The following IFT122 variants were observed in gnomAD, a reference collection of about 807,000 sequenced individuals.
IFT122 encodes the protein intraflagellar transport protein 122 homolog.
In IFT122, 118 loss-of-function variants were observed where a neutral mutation model predicts 161.6. The ratio of observed to expected loss-of-function variants is 0.73; its 90% CI spans 0.63 to 0.85. The LOEUF (loss-of-function observed/expected upper bound fraction) is 0.85, where lower values mean the gene tolerates loss of function less well. Ranked by LOEUF, IFT122 falls within the 40% of genes least tolerant of loss-of-function variation. The pLI is 0.00. For missense variants in IFT122, 1,381 were observed against 1,579.6 expected (o/e 0.87, Z 2.13); for synonymous variants, 550 against 602.4 (o/e 0.91, Z 1.27).
intron 8 of IFT122, among the ~76,000 whole-genome samples, chr3:129,468,799 T>C (rs2077066763): frequency 6.6e-6 from 1 of 152,234 alleles, no homozygotes; most frequent in African/African-American, 2.4e-5. Flanking sequence ...AGCCCATTGC[T>C]CTTTTTTGAA....
At chr3:129,467,701 T>C (rs1279482541) in intron 8 of IFT122, among the ~76,000 whole-genome samples, 2 of 152,224 alleles carry the variant, frequency 1.3e-5, no homozygotes. Context: ...AGGGAAAACA[T>C]GGGCAGGCCA....
At chr3:129,474,732 G>A (rs1216035546) in intron 9 of IFT122, among the ~76,000 whole-genome samples, 1 of 152,154 alleles carries the variant, frequency 6.6e-6, no homozygotes, top group African/African-American at 2.4e-5. Context: ...GGCTGAGCTC[G>A]GGAGTTTGAC....
chr3:129,445,856 C>G (rs574125081), intron 1 of IFT122, among the ~76,000 whole-genome samples: 1 of 152,290 alleles, frequency 6.6e-6, no homozygotes, highest in South Asian at 2.1e-4. Flanking sequence ...AATAAGAGTT[C>G]GAAGTACTGT....
rs921910719 is a variant in IFT122, at chr3:129,520,465, G to A, written c.*200G>A. On this transcript the variant is annotated 3_prime_UTR_variant, in exon 30 of 30. Transcript: ENST00000348417. ...AAATAGCACCAGGAGATGAGGAAGA[G>A]AATGTACATATATTTTCTAAGGAAA... The A allele has an allele frequency of 1.6e-6, 1 of 634,834 alleles. No individual in the cohort carries two copies. The highest frequency in any genetic ancestry group is 2.7e-5 in the East Asian group (1 of 36,552). 39.3% of individuals were successfully genotyped at this position (634,834 alleles called of 1,614,324 possible). A position where few individuals can be genotyped will look rare whatever the true frequency, so the allele number is the denominator to read the frequency against.
chr3:129,472,009 A>G (rs1346010983), intron 9 of IFT122, among the ~76,000 whole-genome samples: 1 of 151,824 alleles, frequency 6.6e-6, no homozygotes, highest in Non-Finnish European at 1.5e-5. Flanking sequence ...GAGAGGCTCA[A>G]TAATTTGCCC....
intron 3 of IFT122, among the ~76,000 whole-genome samples, chr3:129,455,671 T>G (rs2107984442): frequency 6.6e-6 from 1 of 152,290 alleles, no homozygotes; most frequent in African/African-American, 2.4e-5. Context: ...ATGTAATTTC[T>G]GAACCCCCCA....
chr3:129,444,773 G>A (rs1215851578), intron 1 of IFT122, among the ~76,000 whole-genome samples: 1 of 152,090 alleles, frequency 6.6e-6, no homozygotes, highest in Non-Finnish European at 1.5e-5. Context: ...GCCTGCCTCG[G>A]CCTCCCAAAA....
chr3:129,512,394 C>T lies in IFT122; in HGVS notation c.2969C>T (p.Pro990Leu). 6.2e-7 allele frequency: 1 copy of T among 1,611,178 alleles called. No homozygotes were observed. The highest frequency in any genetic ancestry group is 8.5e-7 in the Non-Finnish European group (1 of 1,177,312). ...FLLHSLPKDT[P>L]SGISKVKILF... ...CTGCACAGCCTGCCCAAGGACACCC[C>T]CTCGGGCATCTCTAAAGTGTATCCT... Residue 990 changes from proline to leucine, a missense_variant, in exon 24 of 30, where the codon CCC becomes CTC. Transcript: ENST00000348417.
chr3:129,502,844 C>T lies in IFT122; in HGVS notation c.2509C>T (p.Leu837=). The T allele has an allele frequency of 6.2e-7, 1 of 1,612,554 alleles. No homozygotes were observed. Among genetic ancestry groups the T allele is most frequent in the Non-Finnish European group, 8.5e-7 (1 of 1,180,028 alleles). Residue 837 remains leucine, a synonymous_variant, in exon 20 of 30, where the codon CTG becomes TTG. Transcript: ENST00000348417. ...TYLKMGDLKS[L]VQLHVETQRW... is the part of the protein sequence containing the mutation. The stretch of plus-strand genomic sequence containing the variant: ...CCTGAAGATGGGTGACCTCAAGTCC[C>T]TGGTGCAGCTGCACGTGGAGACCCA...
chr3:129,503,692 C>A (rs575703219), intron 20 of IFT122, among the ~76,000 whole-genome samples: 2 of 152,272 alleles, frequency 1.3e-5, no homozygotes, highest in African/African-American at 4.8e-5. Context: ...TGAGGTCAGT[C>A]ATGAGAAAAG....
At chr3:129,508,518 T>G (rs1418114912) in intron 23 of IFT122, among the ~76,000 whole-genome samples, 1 of 152,178 alleles carries the variant, frequency 6.6e-6, no homozygotes, top group Admixed American at 6.5e-5. Context: ...CAGAGGTTAT[T>G]AGGTTGGTGC....
At chr3:129,504,283 C>A (rs1260982602) in intron 20 of IFT122, 36 bp from the exon 21 acceptor site, 3 of 1,526,396 alleles carry the variant, frequency 2.0e-6, no homozygotes, top group Non-Finnish European at 2.7e-6. Flanking sequence ...GCTGCAGGGG[C>A]AGCTTTATTA....
intron 8 of IFT122, among the ~76,000 whole-genome samples, chr3:129,469,043 T>G (rs1294377063): frequency 6.6e-6 from 1 of 152,216 alleles, no homozygotes; most frequent in Non-Finnish European, 1.5e-5. Context: ...TGCTCCCCAG[T>G]AAGCTCTGAA....
At chr3:129,441,115 A>G (rs1335454572) in intron 1 of IFT122, among the ~76,000 whole-genome samples, 2 of 152,248 alleles carry the variant, frequency 1.3e-5, no homozygotes, top group African/African-American at 4.8e-5. Flanking sequence ...TTCCATTGTT[A>G]TCGCCTAAAT....
At chr3:129,452,968 GA>G (rs1464964443) in intron 3 of IFT122, among the ~76,000 whole-genome samples, 10 of 152,144 alleles carry the variant, frequency 6.6e-5, no homozygotes, top group Admixed American at 2.0e-4. Flanking sequence ...GGGCTATGAA[GA>G]AAAAGGAGTC....
At chr3:129,461,116 G>C in intron 4 of IFT122, 112 bp from the exon 5 acceptor site, 1 of 979,912 alleles carries the variant, frequency 1.0e-6, no homozygotes, top group East Asian at 2.4e-5. Context: ...ACTTGCAGAA[G>C]AGCATGTGGT....
At chr3:129,502,994 G>A in intron 20 of IFT122, 112 bp downstream of exon 20, 1 of 978,736 alleles carries the variant, frequency 1.0e-6, no homozygotes, top group Non-Finnish European at 1.5e-6. Flanking sequence ...CCCTCGTGAT[G>A]GAAGGAACAT....
At chr3:129,455,498 C>T (rs2075369466) in intron 3 of IFT122, among the ~76,000 whole-genome samples, 1 of 151,842 alleles carries the variant, frequency 6.6e-6, no homozygotes, top group Admixed American at 6.6e-5. Flanking sequence ...TAATGAGCAA[C>T]CATGATATAA....
At chr3:129,481,810 C>A in intron 14 of IFT122, 116 bp downstream of exon 14, 1 of 1,128,304 alleles carries the variant, frequency 8.9e-7, no homozygotes, top group Non-Finnish European at 1.3e-6. Context: ...CTGGGAGGGG[C>A]AGGGGCCAAG....
Sources: allele counts gnomAD v4.1 joint callset (sites outside exome capture counted in the v4.1 genomes callset), GRCh38; gene constraint gnomAD v4.1.1; transcripts MANE v1.5; gene names NCBI Gene and HGNC (gene_info 2026-07-23, HGNC 2026-07-21).